The following AFG1L variants were observed in gnomAD, a reference collection of about 807,000 sequenced individuals.
The protein encoded by AFG1L is AFG1-like ATPase.
AFG1L carries 53 observed loss-of-function variants against 62.2 expected under a neutral mutation model. The observed-to-expected ratio is 0.85, with a 90% CI of 0.68 to 1.07. The LOEUF is 1.07. AFG1L is among the 50% of genes least tolerant of loss of function. AFG1L has a pLI of 0.00. For synonymous variants in AFG1L, 228 were observed against 210.3 expected (o/e 1.08, Z -0.73); for missense variants, 555 against 590.5 (o/e 0.94, Z 0.62).
intron 1 of AFG1L, among the ~76,000 whole-genome samples, chr6:108,299,389 A>G (rs1253076837): frequency 6.6e-6 from 1 of 152,210 alleles, no homozygotes; most frequent in Non-Finnish European, 1.5e-5. Flanking sequence ...AGTAAAAAGT[A>G]AAACAATAAA....
rs916746182 is a variant in AFG1L, at chr6:108,505,245, C to T, written c.1063-4967C>T. On this transcript the variant is annotated intron_variant, in intron 10 of 12. Transcript: ENST00000368977. ...AGTAGCTGGGATTGCAGGCGCCTGC[C>T]GCCGCACCCGGCTAATTTTTGTATT... Among the ~76,000 whole-genome samples the T allele has an allele frequency of 1.3e-4, 20 of 152,066 alleles. 1 individual carries two copies. Among genetic ancestry groups the T allele is most frequent in the East Asian group, 7.7e-4 (4 of 5,170 alleles).
chr6:108,353,435 C>T (rs189686960), intron 3 of AFG1L, among the ~76,000 whole-genome samples: 94 of 152,262 alleles, frequency 6.2e-4, no homozygotes, highest in Non-Finnish European at 5.9e-4. Context: ...AAATTATAGG[C>T]ATGAACCACT....
intron 6 of AFG1L, among the ~76,000 whole-genome samples, chr6:108,370,805 T>C (rs1226110405): frequency 6.6e-6 from 1 of 152,230 alleles, no homozygotes; most frequent in Non-Finnish European, 1.5e-5. Context: ...ATTTTCTTTT[T>C]TTCCTCTCTC....
chr6:108,447,318 A>C, intron 8 of AFG1L, 22 bp downstream of exon 8: 1 of 1,348,854 alleles, frequency 7.4e-7, no homozygotes, highest in South Asian at 1.2e-5. Flanking sequence ...TAATTTTTAA[A>C]GTTTAATGTC....
intron 3 of AFG1L, among the ~76,000 whole-genome samples, chr6:108,351,024 T>A (rs1211735575): frequency 3.3e-5 from 5 of 152,210 alleles, no homozygotes; most frequent in African/African-American, 9.7e-5. Context: ...GCTGTGGTAT[T>A]TGTTTATCTA....
At chr6:108,368,914 C>G (rs1474648687) in intron 6 of AFG1L, among the ~76,000 whole-genome samples, 1 of 152,226 alleles carries the variant, frequency 6.6e-6, no homozygotes, top group East Asian at 1.9e-4. Context: ...GAGCTGGAGC[C>G]ACCCTTCTGG....
In AFG1L at chr6:108,324,003, G is replaced by A; in HGVS notation, c.318G>A (p.Glu106=). The change falls in exon 2 of 13, where the codon GAG becomes GAA. Residue 106 remains glutamate (E), a synonymous_variant. Transcript: ENST00000368977. ...RVIQCLQKLH[E]DLKGYNIEAE... Reference sequence around the variant, plus strand: ...TACAGTGTTTGCAGAAATTACACGAGGACCTTAAAGGATACAATATAGAGG... The same window carrying A: ...TACAGTGTTTGCAGAAATTACACGAAGACCTTAAAGGATACAATATAGAGG... 1.2e-6 allele frequency: 2 copies of A among 1,614,078 alleles called. No homozygotes were observed. The highest frequency in any genetic ancestry group is 1.7e-6 in the Non-Finnish European group (2 of 1,179,930).
chr6:108,341,066 A>G (rs1323658145), intron 2 of AFG1L, among the ~76,000 whole-genome samples: 2 of 152,192 alleles, frequency 1.3e-5, no homozygotes, highest in Non-Finnish European at 2.9e-5. Context: ...TCCTCTCTGC[A>G]CGACTGTCAG....
chr6:108,436,261 C>T (rs1261786582), intron 7 of AFG1L, among the ~76,000 whole-genome samples: 2 of 151,964 alleles, frequency 1.3e-5, no homozygotes, highest in African/African-American at 4.8e-5. Flanking sequence ...TTTCCTGTCT[C>T]AGCCTCCTGA....
At chr6:108,323,083 T>C (rs979003793) in intron 1 of AFG1L, among the ~76,000 whole-genome samples, 4 of 152,202 alleles carry the variant, frequency 2.6e-5, no homozygotes, top group African/African-American at 9.7e-5. Flanking sequence ...TGTTATGTTG[T>C]CTTTGAGTAG....
chr6:108,416,102 G>T (rs1770255439), intron 7 of AFG1L, among the ~76,000 whole-genome samples: 1 of 152,226 alleles, frequency 6.6e-6, no homozygotes, highest in African/African-American at 2.4e-5. Flanking sequence ...CCATCAAAAA[G>T]TGGGTGAAGG....
At chr6:108,484,080 C>T (rs1193393655) in intron 10 of AFG1L, among the ~76,000 whole-genome samples, 5 of 152,180 alleles carry the variant, frequency 3.3e-5, no homozygotes, top group Non-Finnish European at 1.5e-5. Flanking sequence ...TTTATCTCTA[C>T]TACTTGGCCA....
rs186164538 is a variant in AFG1L, at chr6:108,432,200, G to A, written c.808-15014G>A. Among the ~76,000 whole-genome samples the A allele has an allele frequency of 5.7e-3, 869 of 152,048 alleles. 2 individuals carry two copies. The highest frequency in any genetic ancestry group is 9.6e-3 in the Non-Finnish European group (650 of 67,986). On this transcript the variant is annotated intron_variant, in intron 7 of 12. Coordinates refer to ENST00000368977, the MANE Select transcript of AFG1L (RefSeq NM_145315.5). ...GTCACCTTATTTACAATATGGGTTG[G>A]AAACCCAACTGTATAACTTACGGTC...
chr6:108,511,561 C>T (rs868070108), intron 11 of AFG1L, among the ~76,000 whole-genome samples: 34 of 152,132 alleles, frequency 2.2e-4, no homozygotes, highest in African/African-American at 8.0e-4. Context: ...GCCTATGGTA[C>T]GCTCTCAGTA....
At chr6:108,445,277 G>T (rs1199487197) in intron 7 of AFG1L, among the ~76,000 whole-genome samples, 2 of 152,180 alleles carry the variant, frequency 1.3e-5, no homozygotes, top group Non-Finnish European at 2.9e-5. Flanking sequence ...TTAAGAGAAT[G>T]TTGTGGCTGT....
intron 8 of AFG1L, among the ~76,000 whole-genome samples, chr6:108,449,804 A>C (rs1399441374): frequency 6.6e-6 from 1 of 151,790 alleles, no homozygotes; most frequent in Non-Finnish European, 1.5e-5. Context: ...TCCTGTGTCC[A>C]TGTGTTCTCA....
At chr6:108,450,667 C>A (rs1772014383) in intron 8 of AFG1L, among the ~76,000 whole-genome samples, 1 of 152,102 alleles carries the variant, frequency 6.6e-6, no homozygotes, top group Non-Finnish European at 1.5e-5. Flanking sequence ...GACATGAAGT[C>A]CTTGCCCATG....
chr6:108,345,027 A>G (rs1778813519), intron 2 of AFG1L, among the ~76,000 whole-genome samples: 1 of 152,090 alleles, frequency 6.6e-6, no homozygotes, highest in Admixed American at 6.5e-5. Flanking sequence ...CCCAGAGCCT[A>G]TGTTTTCTTC....
At chr6:108,477,490 G>A (rs1773158712) in intron 10 of AFG1L, among the ~76,000 whole-genome samples, 198 bp downstream of exon 10, 1 of 152,106 alleles carries the variant, frequency 6.6e-6, no homozygotes, top group Non-Finnish European at 1.5e-5. Context: ...CACTTAGAGG[G>A]GCTCTAATGC....
Sources: gnomAD v4.1 joint callset for allele counts (sites outside exome capture counted in the v4.1 genomes callset) on GRCh38, gnomAD v4.1.1 for gene constraint, MANE v1.5 for transcripts, NCBI Gene and HGNC (gene_info 2026-07-23, HGNC 2026-07-21) for gene names.